The following LRRC4C variants were observed in gnomAD, a reference collection of about 807,000 sequenced individuals.
LRRC4C encodes leucine rich repeat containing 4C.
LRRC4C carries 5 observed loss-of-function variants against 33.6 expected under a neutral mutation model. That is an observed-to-expected ratio of 0.15 (90% CI 0.08 to 0.31). The LOEUF (loss-of-function observed/expected upper bound fraction) is 0.31. Ranked by LOEUF, LRRC4C falls within the 10% of genes least tolerant of loss-of-function variation. The probability of loss-of-function intolerance (pLI) is 1.00; values close to 1 mark genes in which losing one functional copy is unlikely to be tolerated. For synonymous variants in LRRC4C, 329 were observed against 302.0 expected (o/e 1.09, Z -0.93); for missense variants, 560 against 796.7 (o/e 0.70, Z 3.58).
intron 3 of LRRC4C, among the ~76,000 whole-genome samples, chr11:40,625,506 G>A (rs994033069): frequency 2.0e-5 from 3 of 152,074 alleles, no homozygotes; most frequent in South Asian, 2.1e-4. Flanking sequence ...CAGCATGGGG[G>A]AAAACCTGTC....
intron 1 of LRRC4C, among the ~76,000 whole-genome samples, chr11:40,945,009 A>G (rs1958326542): frequency 6.7e-6 from 1 of 148,216 alleles, no homozygotes; most frequent in Non-Finnish European, 1.5e-5. Context: ...GTGGTGTTCA[A>G]CTTTGCAGTT....
intron 4 of LRRC4C, among the ~76,000 whole-genome samples, chr11:40,318,079 A>G (rs1272988388): frequency 3.3e-5 from 5 of 152,156 alleles, no homozygotes; most frequent in African/African-American, 1.2e-4. Context: ...ACCCGAGAAC[A>G]TTGATAATAA....
At chr11:41,392,241 G>T (rs964418179) in intron 1 of LRRC4C, among the ~76,000 whole-genome samples, 1 of 151,790 alleles carries the variant, frequency 6.6e-6, no homozygotes, top group Non-Finnish European at 1.5e-5. Flanking sequence ...TCTTTCCCAC[G>T]TATGATGTAA....
chr11:41,326,270 T>G (rs1387765855), intron 1 of LRRC4C, among the ~76,000 whole-genome samples: 1 of 152,196 alleles, frequency 6.6e-6, no homozygotes, highest in Non-Finnish European at 1.5e-5. Flanking sequence ...TCGAAGTTCT[T>G]CAGCATTTGG....
In LRRC4C at chr11:40,906,564, T is replaced by C. The variant is rs573285818; in HGVS notation, c.-407+27071A>G. ...CAAACAAACCTACATATAGTGTAAGTATAGTGTAAACAGGACTTTTATATA... is the reference window on the plus strand; with the variant it reads ...CAAACAAACCTACATATAGTGTAAGCATAGTGTAAACAGGACTTTTATATA... On this transcript the variant is annotated intron_variant, in intron 2 of 6. Coordinates refer to ENST00000528697, the MANE Select transcript of LRRC4C (RefSeq NM_001258419.2). Among the ~76,000 whole-genome samples the C allele has an allele frequency of 5.0e-4, 76 of 152,250 alleles. No homozygotes were observed. The South Asian group carries it at 9.5e-3, about 19-fold the overall frequency.
intron 3 of LRRC4C, among the ~76,000 whole-genome samples, chr11:40,414,115 A>T (rs555658963): frequency 6.6e-6 from 1 of 152,224 alleles, no homozygotes; most frequent in South Asian, 2.1e-4. Context: ...CTAAAAGATG[A>T]TGAAATCATA....
chr11:40,329,908 A>AT (rs1454016868), intron 3 of LRRC4C, among the ~76,000 whole-genome samples: 6 of 151,700 alleles, frequency 4.0e-5, no homozygotes, highest in Non-Finnish European at 8.8e-5. Context: ...CACCCGGCTA[A>AT]TTTTTTGTAT....
intron 3 of LRRC4C, among the ~76,000 whole-genome samples, chr11:40,461,633 A>T (rs752624758): frequency 4.0e-5 from 6 of 150,540 alleles, no homozygotes; most frequent in Non-Finnish European, 8.9e-5. Context: ...TGCCTAGAAC[A>T]TATAATACTT....
At chr11:40,909,400 G>T (rs1218501578) in intron 2 of LRRC4C, among the ~76,000 whole-genome samples, 1 of 151,972 alleles carries the variant, frequency 6.6e-6, no homozygotes, top group Non-Finnish European at 1.5e-5. Context: ...ACATTGAAAA[G>T]AATGAAAAAC....
intron 1 of LRRC4C, among the ~76,000 whole-genome samples, chr11:41,390,167 T>TG (rs1170367148): frequency 6.6e-6 from 1 of 151,920 alleles, no homozygotes; most frequent in Non-Finnish European, 1.5e-5. Flanking sequence ...AATGTTCTGG[T>TG]GGGTTGAGAT....
At chr11:41,163,790 T>A (rs1430857227) in intron 1 of LRRC4C, among the ~76,000 whole-genome samples, 2 of 148,862 alleles carry the variant, frequency 1.3e-5, no homozygotes, top group East Asian at 4.1e-4. Flanking sequence ...TTTTATATTT[T>A]TAGTAGAGAC....
chr11:40,764,593 T>C (rs1949365164), intron 2 of LRRC4C, among the ~76,000 whole-genome samples: 1 of 152,034 alleles, frequency 6.6e-6, no homozygotes, highest in South Asian at 2.1e-4. Context: ...TTACTGACTG[T>C]AGAGCCCTTG....
chr11:40,709,368 C>T (rs979591561), intron 2 of LRRC4C, among the ~76,000 whole-genome samples: 1 of 152,072 alleles, frequency 6.6e-6, no homozygotes, highest in Non-Finnish European at 1.5e-5. Context: ...ATGTTTAGTG[C>T]TTCCTTCAGG....
intron 4 of LRRC4C, among the ~76,000 whole-genome samples, chr11:40,244,466 A>G (rs1348999706): frequency 6.6e-6 from 1 of 152,180 alleles, no homozygotes; most frequent in Non-Finnish European, 1.5e-5. Flanking sequence ...AAGTCTGTCA[A>G]TACACCTGGA....
chr11:40,492,986 G>T (rs1414573161), intron 3 of LRRC4C, among the ~76,000 whole-genome samples: 2 of 151,788 alleles, frequency 1.3e-5, no homozygotes, highest in Non-Finnish European at 1.5e-5. Context: ...AAGTGAGAAG[G>T]TCTACTTGAA....
intron 1 of LRRC4C, among the ~76,000 whole-genome samples, chr11:40,955,456 T>TA (rs956873703): frequency 4.0e-5 from 6 of 151,720 alleles, no homozygotes; most frequent in Non-Finnish European, 7.4e-5. Flanking sequence ...AAAATTGAAA[T>TA]AAAAAACCCT....
chr11:41,134,205 T>C (rs1943151919), intron 1 of LRRC4C, among the ~76,000 whole-genome samples: 2 of 152,104 alleles, frequency 1.3e-5, no homozygotes. Context: ...CAAGCAATCC[T>C]CCCACCTAAG....
intron 2 of LRRC4C, among the ~76,000 whole-genome samples, chr11:40,855,430 A>G (rs549682334): frequency 2.6e-5 from 4 of 152,184 alleles, no homozygotes; most frequent in Non-Finnish European, 4.4e-5. Context: ...TTATAACGCC[A>G]TATTAATCAA....
chr11:41,165,615 G>T (rs1944686565), intron 1 of LRRC4C, among the ~76,000 whole-genome samples: 1 of 152,052 alleles, frequency 6.6e-6, no homozygotes, highest in African/African-American at 2.4e-5. Context: ...TACTATGCAG[G>T]TAAGTTTATC....
Sources: allele counts gnomAD v4.1 joint callset (sites outside exome capture counted in the v4.1 genomes callset), GRCh38; gene constraint gnomAD v4.1.1; transcripts MANE v1.5; gene names NCBI Gene and HGNC (gene_info 2026-07-23, HGNC 2026-07-21).